CDH24: variants seen among roughly 807,000 people sequenced by gnomAD.
CDH24 encodes the protein cadherin 24, also known as cadherin-24.
Under a neutral mutation model 71.2 loss-of-function variants are expected in CDH24, and 61 were observed. That is an observed-to-expected ratio of 0.86 (90% confidence interval 0.70 to 1.06). The LOEUF (loss-of-function observed/expected upper bound fraction) is 1.06. Ranked by LOEUF, CDH24 falls within the 50% of genes least tolerant of loss-of-function variation. The probability of loss-of-function intolerance (pLI) is 0.00; values close to 1 mark genes in which losing one functional copy is unlikely to be tolerated. For missense variants in CDH24, 961 were observed against 1,083.7 expected (o/e 0.89, Z 1.59); for synonymous variants, 440 against 470.2 (o/e 0.94, Z 0.83).
At chr14:23,050,606 A>T (rs2047079283) in intron 8 of CDH24, among the ~76,000 whole-genome samples, 1 of 152,048 alleles carries the variant, frequency 6.6e-6, no homozygotes, top group Non-Finnish European at 1.5e-5. Flanking sequence ...GTGCTGCATG[A>T]TCTACAGGGT....
At chr14:23,052,303 G>GATCC in intron 8 of CDH24, 170 bp downstream of exon 8, 1 of 824,140 alleles carries the variant, frequency 1.2e-6, no homozygotes, top group South Asian at 1.5e-5. Context: ...CTAGGACCCA[G>GATCC]ATCCAGGCTA....
intron 8 of CDH24, among the ~76,000 whole-genome samples, chr14:23,050,634 C>T (rs1249747671): frequency 6.6e-6 from 1 of 152,212 alleles, no homozygotes; most frequent in Non-Finnish European, 1.5e-5. Flanking sequence ...CCAGGCCAGC[C>T]TGGGTACCAC....
chr14:23,052,994 G>GT (rs2047096311), intron 7 of CDH24, among the ~76,000 whole-genome samples: 1 of 152,276 alleles, frequency 6.6e-6, no homozygotes, highest in East Asian at 1.9e-4. Flanking sequence ...TTACTCAACT[G>GT]AAAAGTGGGA....
intron 8 of CDH24, among the ~76,000 whole-genome samples, chr14:23,050,725 G>T (rs2047080109): frequency 6.6e-6 from 1 of 152,210 alleles, no homozygotes; most frequent in Admixed American, 6.5e-5. Flanking sequence ...CTCACTGCCA[G>T]TGCCTTCCAA....
rs1344247551 is a variant in CDH24 at position 23,055,750 on chromosome 14, G to A, written c.-17C>T. 6.4e-7 allele frequency: 1 copy of A among 1,552,784 alleles called. No individual in the cohort carries two copies. The highest frequency in any genetic ancestry group is 2.3e-5 in the East Asian group (1 of 43,748). ...GCCCCACATGTTTGGACTCCAGCCAGGGCTCTGTTCACTGGCCCTGGGTGC... is the reference window on the plus strand; with the variant it reads ...GCCCCACATGTTTGGACTCCAGCCAAGGCTCTGTTCACTGGCCCTGGGTGC... On this transcript the variant is annotated 5_prime_UTR_variant, in exon 2 of 13. Transcript: ENST00000487137. The surrounding 1 kb of genome is among the most constrained non-coding windows in gnomAD (Gnocchi z 4.1).
chr14:23,055,053 G>A lies in CDH24; in HGVS notation c.496+6C>T, dbSNP rs767133342. The stretch of plus-strand genomic sequence containing the variant: ...GAACTGGGGCATTCAGAGCTGGGGT[G>A]CTCACCGACATTGGACATCTCGGGC... On this transcript the variant is annotated splice_donor_region_variant and intron_variant, in intron 3 of 12. Coordinates refer to ENST00000487137, the MANE Select transcript of CDH24 (RefSeq NM_144985.4). This position sits in a 1 kb window ranked among gnomAD's most constrained non-coding sequence, Gnocchi z 4.1. 6.2e-7 allele frequency: 1 copy of A among 1,607,112 alleles called. No homozygotes were observed. Among genetic ancestry groups the A allele is most frequent in the South Asian group, 1.1e-5 (1 of 90,732 alleles).
rs200412551 is a variant in CDH24 at position 23,051,989 on chromosome 14, G to A, written c.1363+484C>T. The A allele has an allele frequency of 1.4e-4, 221 of 1,580,996 alleles. 1 individual carries two copies. In the East Asian group the frequency reaches 2.3e-3, roughly 17 times the overall value. ...CCCTACCTTGGGGGATTCCCACAGC[G>A]CTTCCAACAGGGCTTCTCTGGGGTG... On this transcript the variant is annotated intron_variant, in intron 8 of 12. Transcript: ENST00000487137. The surrounding 1 kb of genome is among the most constrained non-coding windows in gnomAD (Gnocchi z 4.4).
Position 23,055,492 on chromosome 14 carries a change from G to A in CDH24, c.201+41C>T, listed in dbSNP as rs764268571. ...GATGAAGTTGCAGGGCAGGGCCTGAGGGCTTGGTGTCAGAGTAGACATGGG... is the reference window on the plus strand; with the variant it reads ...GATGAAGTTGCAGGGCAGGGCCTGAAGGCTTGGTGTCAGAGTAGACATGGG... On this transcript the variant is annotated intron_variant, in intron 2 of 12. Transcript: ENST00000487137. The surrounding 1 kb of genome is among the most constrained non-coding windows in gnomAD (Gnocchi z 4.1). The A allele has an allele frequency of 6.2e-7, 1 of 1,607,280 alleles. No homozygotes were observed. The highest frequency in any genetic ancestry group is 8.5e-7 in the Non-Finnish European group (1 of 1,175,530).
Position 23,048,311 on chromosome 14 carries a change from G to C in CDH24, c.2015C>G (p.Ala672Gly), listed in dbSNP as rs780467111. ...CGCGGGAGGGCCGGGCGCCGGGGGG[G>C]CCGCCCCGTCCGGGTTCTGCAAGGC... ...ITALQNPDGA[A>G]PPAPGPPARR... is the part of the protein sequence containing the mutation. The change falls in exon 12 of 13, where the codon GCC (alanine) becomes GGC (glycine). Residue 672 changes from alanine (A) to glycine (G), a missense_variant. Transcript: ENST00000487137. 1.0e-5 allele frequency: 16 copies of C among 1,606,026 alleles called. No homozygotes were observed. In the South Asian group the frequency reaches 1.7e-4, roughly 17 times the overall value.
chr14:23,049,256 C>T lies in CDH24; in HGVS notation c.1617G>A (p.Leu539=), dbSNP rs2047065951. 6.3e-7 allele frequency: 1 copy of T among 1,576,278 alleles called. No individual in the cohort carries two copies. Among genetic ancestry groups the T allele is most frequent in the Non-Finnish European group, 8.6e-7 (1 of 1,160,466 alleles). The change falls in exon 11 of 13, where the codon CTG becomes CTA. Residue 539 remains leucine, a synonymous_variant. Transcript: ENST00000487137. The part of the protein sequence containing the change: ...QDNRDGSASL[L]LPSRPAPPRH... ...GGGGTGGAGCAGGGCGGGAGGGCAG[C>T]AGCAGGCTGGCGGAGCCATCTGTGG...
chr14:23,054,996 G>A lies in CDH24; in HGVS notation c.496+63C>T, dbSNP rs1473519729. The A allele has an allele frequency of 1.3e-6, 2 of 1,590,104 alleles. No individual in the cohort carries two copies. The highest frequency in any genetic ancestry group is 1.7e-6 in the Non-Finnish European group (2 of 1,165,102). On this transcript the variant is annotated intron_variant, in intron 3 of 12. Coordinates refer to ENST00000487137, the MANE Select transcript of CDH24 (RefSeq NM_144985.4). The surrounding 1 kb of genome is among the most constrained non-coding windows in gnomAD (Gnocchi z 5.2). The stretch of plus-strand genomic sequence containing the variant: ...AGGTTCTGGGGCAGACAACAAGAAG[G>A]GAAGGAGAGGTGAGAGAGCTCCAGA...
Position 23,055,905 on chromosome 14 carries a change from TC to T in CDH24, c.-124-49del. 1 of 585,338 alleles carries T rather than the reference TC, an allele frequency of 1.7e-6. No homozygotes were observed. The highest frequency in any genetic ancestry group is 3.0e-6 in the Non-Finnish European group (1 of 333,518). 36.3% of individuals were successfully genotyped at this position (585,338 alleles called of 1,614,324 possible). Reference sequence around the variant, plus strand: ...GGCTCAAGGAAACCCCTAGCCCTCCTCCCCCGCAAAATTAGATGCTGAAGAC... The same window carrying T: ...GGCTCAAGGAAACCCCTAGCCCTCCTCCCCGCAAAATTAGATGCTGAAGAC... On this transcript the variant is annotated intron_variant, in intron 1 of 12. Coordinates refer to ENST00000487137, the MANE Select transcript of CDH24 (RefSeq NM_144985.4). The surrounding 1 kb of genome is among the most constrained non-coding windows in gnomAD (Gnocchi z 4.1).
Position 23,051,564 on chromosome 14 carries a change from T to G in CDH24, c.1363+909A>C, listed in dbSNP as rs1207383175. On this transcript the variant is annotated intron_variant, in intron 8 of 12. Coordinates refer to ENST00000487137, the MANE Select transcript of CDH24 (RefSeq NM_144985.4). This position sits in a 1 kb window ranked among gnomAD's most constrained non-coding sequence, Gnocchi z 4.4. ...CACATATGCATAATTAACATAAATATAATTCTGTACACTCAACAGTAAACA... is the reference window on the plus strand; with the variant it reads ...CACATATGCATAATTAACATAAATAGAATTCTGTACACTCAACAGTAAACA... Among the ~76,000 whole-genome samples the G allele has an allele frequency of 1.3e-5, 2 of 152,164 alleles. No individual in the cohort carries two copies. The highest frequency in any genetic ancestry group is 4.8e-5 in the African/African-American group (2 of 41,420).
At chr14:23,048,911 G>T in intron 11 of CDH24, 116 bp downstream of exon 11, 2 of 1,225,532 alleles carry the variant, frequency 1.6e-6, no homozygotes, top group Non-Finnish European at 2.3e-6. Flanking sequence ...GGAAAATCCA[G>T]GTATGAGGGT....
At position 23,047,796 on chromosome 14, in the gene CDH24, C is replaced by T. The variant is rs1024730284; in HGVS notation, c.*184G>A. On this transcript the variant is annotated 3_prime_UTR_variant, in exon 12 of 13. Coordinates refer to ENST00000487137, the MANE Select transcript of CDH24 (RefSeq NM_144985.4). Reference sequence around the variant, plus strand: ...ACAAAGATTCCTGGAGAGAGACACACACACCGACTCAGGAGGAGGGAGGTG... The same window carrying T: ...ACAAAGATTCCTGGAGAGAGACACATACACCGACTCAGGAGGAGGGAGGTG... 1.8e-5 allele frequency: 7 copies of T among 384,842 alleles called. No homozygotes were observed. Among genetic ancestry groups the T allele is most frequent in the Non-Finnish European group, 3.2e-5 (7 of 219,194 alleles). The allele number at this position is 384,842 out of a possible 1,614,324, so 23.8% of individuals were successfully genotyped here.
At position 23,047,716 on chromosome 14, in the gene CDH24, C is replaced by A; in HGVS notation, c.*264G>T. 3.1e-6 allele frequency: 1 copy of A among 318,436 alleles called. No homozygotes were observed. Among genetic ancestry groups the A allele is most frequent in the Non-Finnish European group, 5.7e-6 (1 of 176,030 alleles). The allele number at this position is 318,436 out of a possible 1,614,324, so 19.7% of individuals were successfully genotyped here. ...GGAATCACAGTGAGAGATCGCAGGG[C>A]CAGGGCCAGGGCAGGAAACCCAGGC... is the stretch of plus-strand genomic sequence containing the variant. On this transcript the variant is annotated 3_prime_UTR_variant, in exon 12 of 13. Coordinates refer to ENST00000487137, the MANE Select transcript of CDH24 (RefSeq NM_144985.4).
chr14:23,054,019 C>T lies in CDH24; in HGVS notation c.972+122G>A. On this transcript the variant is annotated intron_variant, in intron 6 of 12. Coordinates refer to ENST00000487137, the MANE Select transcript of CDH24 (RefSeq NM_144985.4). The surrounding 1 kb of genome is among the most constrained non-coding windows in gnomAD (Gnocchi z 5.2). ...CCTCATCTGAAGGATGAGGAGGTGA[C>T]CATGATCTCTAAGCTCCAACAGAGA... The T allele has an allele frequency of 2.7e-6, 3 of 1,105,612 alleles. No homozygotes were observed. Among genetic ancestry groups the T allele is most frequent in the African/African-American group, 1.6e-5 (1 of 63,990 alleles). The allele number at this position is 1,105,612 out of a possible 1,614,324, so 68.5% of individuals were successfully genotyped here.
In CDH24 at chr14:23,054,605, C is replaced by A. The variant is rs201998433; in HGVS notation, c.685G>T (p.Ala229Ser). ...TQEEFLVVIQ[A>S]KDMGGHMGGL... is the part of the protein sequence containing the mutation. Reference sequence around the variant, plus strand: ...CCCATGTGGCCGCCCATGTCCTTGGCCTGGATCACCACCAAGAACTCCTCC... The same window carrying A: ...CCCATGTGGCCGCCCATGTCCTTGGACTGGATCACCACCAAGAACTCCTCC... Residue 229 changes from alanine (A) to serine (S), a missense_variant, in exon 5 of 13, where the codon GCC becomes TCC. Around this residue, in one of 2 missense-constraint regions of CDH24, gnomAD observed 671 missense variants for 810.9 expected, o/e 0.83. Coordinates refer to ENST00000487137, the MANE Select transcript of CDH24 (RefSeq NM_144985.4). This position sits in a 1 kb window ranked among gnomAD's most constrained non-coding sequence, Gnocchi z 5.2. 1 of 1,613,956 alleles carries A rather than the reference C, an allele frequency of 6.2e-7. No homozygotes were observed. Among genetic ancestry groups the A allele is most frequent in the Non-Finnish European group, 8.5e-7 (1 of 1,179,990 alleles).
In CDH24 at chr14:23,051,820, C is replaced by T. The variant is rs370410035; in HGVS notation, c.1363+653G>A. ...GAGGCATAAGCAGGGGTATAAGGGA[C>T]TATTCACAGAAGATCGGGAGGGAGG... On this transcript the variant is annotated intron_variant, in intron 8 of 12. Transcript: ENST00000487137. This position sits in a 1 kb window ranked among gnomAD's most constrained non-coding sequence, Gnocchi z 4.4. 103 of 548,676 alleles carry T rather than the reference C, an allele frequency of 1.9e-4. 2 individuals are homozygous for T. In the East Asian group the frequency reaches 2.2e-3, roughly 12 times the overall value. 34.0% of individuals were successfully genotyped at this position (548,676 alleles called of 1,614,324 possible). A position where few individuals can be genotyped will look rare whatever the true frequency, so the allele number is the denominator to read the frequency against.
Sources: allele counts gnomAD v4.1 joint callset (sites outside exome capture counted in the v4.1 genomes callset), GRCh38; gene constraint gnomAD v4.1.1; regional missense constraint gnomAD v4.1.1; non-coding constraint Gnocchi (gnomAD v3.1); transcripts MANE v1.5; gene names NCBI Gene and HGNC (gene_info 2026-07-23, HGNC 2026-07-21).